RIMS3: variants seen among roughly 807,000 people sequenced by gnomAD.
RIMS3 encodes the protein regulating synaptic membrane exocytosis protein 3.
RIMS3 carries 15 observed loss-of-function variants against 29.2 expected under a neutral mutation model. That is an observed-to-expected ratio of 0.51 (90% CI 0.34 to 0.79). The LOEUF is 0.79. Ranked by LOEUF, RIMS3 falls within the 30% of genes least tolerant of loss-of-function variation. RIMS3 has a pLI of 0.01. For synonymous variants in RIMS3, 161 were observed against 170.1 expected, an observed-to-expected ratio of 0.95 and a Z score of 0.41; for missense variants, 342 against 421.4, an observed-to-expected ratio of 0.81 and a Z score of 1.65.
At chr1:40,651,716 G>T (rs1646633105) in intron 1 of RIMS3, among the ~76,000 whole-genome samples, 2 of 152,170 alleles carry the variant, frequency 1.3e-5, no homozygotes, top group South Asian at 4.1e-4. Flanking sequence ...TAGAATGAAT[G>T]AATGGCAACT....
intron 1 of RIMS3, among the ~76,000 whole-genome samples, chr1:40,662,240 G>A (rs573355033): frequency 6.6e-6 from 1 of 152,152 alleles, no homozygotes; most frequent in Non-Finnish European, 1.5e-5. Flanking sequence ...CCTCTACCAC[G>A]CCAAGCCTGT....
At chr1:40,655,438 C>G (rs963896358) in intron 1 of RIMS3, among the ~76,000 whole-genome samples, 2 of 152,184 alleles carry the variant, frequency 1.3e-5, no homozygotes, top group African/African-American at 4.8e-5. Flanking sequence ...AGCCCCCCTC[C>G]CAAGCAGGTT....
chr1:40,678,276 C>T, the RIMS3 span, among the ~76,000 whole-genome samples: 29 of 152,228 alleles, frequency 1.9e-4, no homozygotes, highest in South Asian at 1.0e-3. Context: ...GGTGTAGTGG[C>T]GCACGCCTGT....
chr1:40,652,468 G>A (rs1217291528), intron 1 of RIMS3, among the ~76,000 whole-genome samples: 1 of 152,198 alleles, frequency 6.6e-6, no homozygotes, highest in Non-Finnish European at 1.5e-5. Flanking sequence ...TTCAGGGTGG[G>A]GGAGACCAGA....
At chr1:40,640,734 G>A (rs1646550588) in intron 3 of RIMS3, among the ~76,000 whole-genome samples, 1 of 152,230 alleles carries the variant, frequency 6.6e-6, no homozygotes, top group African/African-American at 2.4e-5. Context: ...CCACCAGGCT[G>A]AACATAACTG....
the RIMS3 span, among the ~76,000 whole-genome samples, chr1:40,673,076 AG>A: frequency 6.6e-6 from 1 of 152,042 alleles, no homozygotes; most frequent in East Asian, 1.9e-4. Context: ...GCCACTTGGG[AG>A]GCTGAAGCAA....
At chr1:40,685,557 G>C in the RIMS3 span, among the ~76,000 whole-genome samples, 3 of 151,778 alleles carry the variant, frequency 2.0e-5, no homozygotes, top group Admixed American at 1.3e-4. Context: ...AGGAGTCCTT[G>C]AGTCAAAGTC....
intron 5 of RIMS3, among the ~76,000 whole-genome samples, chr1:40,632,445 T>TAC (rs1453924094): frequency 1.5e-5 from 2 of 133,430 alleles, no homozygotes; most frequent in Non-Finnish European, 3.1e-5. Flanking sequence ...TATATATATA[T>TAC]ATATATATAT....
intron 1 of RIMS3, among the ~76,000 whole-genome samples, chr1:40,661,243 T>C (rs147223090): frequency 6.6e-6 from 1 of 152,074 alleles, no homozygotes. Flanking sequence ...AAGATGAGCA[T>C]GTAAAGCGAT....
At chr1:40,687,201 C>T in the RIMS3 span, among the ~76,000 whole-genome samples, 3 of 152,070 alleles carry the variant, frequency 2.0e-5, no homozygotes, top group African/African-American at 7.2e-5. Context: ...GAGAATAGGG[C>T]GTAAGCGTTT....
chr1:40,658,193 G>A (rs1228116391), intron 1 of RIMS3, among the ~76,000 whole-genome samples: 1 of 152,204 alleles, frequency 6.6e-6, no homozygotes, highest in Non-Finnish European at 1.5e-5. Flanking sequence ...AAACTCTTCT[G>A]CCTGTTCCTG....
At chr1:40,660,347 A>C (rs946354021) in intron 1 of RIMS3, among the ~76,000 whole-genome samples, 4 of 129,398 alleles carry the variant, frequency 3.1e-5, no homozygotes, top group Non-Finnish European at 5.3e-5. Context: ...GTGGGCCAGG[A>C]AGCAGTCACA....
upstream of RIMS3, among the ~76,000 whole-genome samples, chr1:40,667,958 A>T (rs945424838): frequency 2.6e-5 from 4 of 152,238 alleles, no homozygotes; most frequent in East Asian, 1.9e-4. Flanking sequence ...CTATAAAAAA[A>T]TACAAAACTT....
the RIMS3 span, among the ~76,000 whole-genome samples, chr1:40,676,007 G>C: frequency 3.9e-5 from 6 of 152,194 alleles, no homozygotes; most frequent in Non-Finnish European, 7.3e-5. Flanking sequence ...GAGACCAAGA[G>C]AAGGCAGAAG....
chr1:40,659,035 A>G (rs1420704057), intron 1 of RIMS3, among the ~76,000 whole-genome samples: 1 of 152,202 alleles, frequency 6.6e-6, no homozygotes, highest in Non-Finnish European at 1.5e-5. Context: ...AGAGATGTAG[A>G]CTTTGCACAG....
chr1:40,667,575 T>G (rs1039867932), upstream of RIMS3, among the ~76,000 whole-genome samples: 1 of 152,156 alleles, frequency 6.6e-6, no homozygotes, highest in Non-Finnish European at 1.5e-5. Flanking sequence ...AGTTCTATAT[T>G]GGTTACCAGA....
rs1259236279 is a variant in RIMS3, at chr1:40,635,695, T to A, written c.359+221A>T. Among the ~76,000 whole-genome samples, 1 of 152,212 alleles carries A rather than the reference T, an allele frequency of 6.6e-6. No individual in the cohort carries two copies. The highest frequency in any genetic ancestry group is 1.5e-5 in the Non-Finnish European group (1 of 68,040). ...CCTTCCTGAAACATACAGAAGGAAC[T>A]GATAGCTCCTGGGTATCTGGATATT... is the stretch of plus-strand genomic sequence containing the variant. On this transcript the variant is annotated intron_variant, in intron 4 of 7. Transcript: ENST00000372684. The surrounding 1 kb of genome is among the most constrained non-coding windows in gnomAD (Gnocchi z 4.1).
chr1:40,650,558 C>T (rs1646625211), intron 1 of RIMS3, among the ~76,000 whole-genome samples: 1 of 152,088 alleles, frequency 6.6e-6, no homozygotes, highest in African/African-American at 2.4e-5. Context: ...TGCTTCTTTT[C>T]AGTCCTCAAA....
intron 1 of RIMS3, among the ~76,000 whole-genome samples, chr1:40,648,790 A>G (rs571982737): frequency 2.0e-5 from 3 of 152,170 alleles, no homozygotes; most frequent in Non-Finnish European, 4.4e-5. Flanking sequence ...GGGTCCCTGC[A>G]CTTTTCAGTT....
Sources: allele counts gnomAD v4.1 joint callset (sites outside exome capture counted in the v4.1 genomes callset), GRCh38; gene constraint gnomAD v4.1.1; non-coding constraint Gnocchi (gnomAD v3.1); transcripts MANE v1.5; gene names NCBI Gene and HGNC (gene_info 2026-07-23, HGNC 2026-07-21).